GPHN: variants seen among roughly 807,000 people sequenced by gnomAD.
GPHN encodes gephyrin.
GPHN carries 17 observed loss-of-function variants against 95.5 expected under a neutral mutation model. The ratio of observed to expected loss-of-function variants is 0.18; its 90% CI spans 0.12 to 0.27. The LOEUF is 0.27. GPHN is among the 10% of genes least tolerant of loss of function. The pLI is 1.00. For synonymous variants in GPHN, 320 were observed against 322.5 expected, an observed-to-expected ratio of 0.99 and a Z score of 0.08; for missense variants, 660 against 978.1, an observed-to-expected ratio of 0.67 and a Z score of 4.34.
chr14:67,575,464 G>A, the GPHN span: 2 of 1,599,580 alleles, frequency 1.3e-6, no homozygotes, highest in Admixed American at 1.7e-5. Context: ...TCGGAGCCAT[G>A]AGGACAAGGT....
the GPHN span, chr14:67,352,847 CAACA>C: frequency 7.3e-6 from 6 of 822,676 alleles, no homozygotes; most frequent in African/African-American, 5.1e-5. Context: ...AAAATAACAA[CAACA>C]AAAAAAAAAA....
rs1491347775 is a variant in GPHN at position 66,539,410 on chromosome 14, T to TTTC, written c.64+30821_64+30822insCTT. Among the ~76,000 whole-genome samples, 11 of 70,582 alleles carry TTTC rather than the reference T, an allele frequency of 1.6e-4. No individual in the cohort carries two copies. In the East Asian group the frequency reaches 6.5e-3, roughly 42 times the overall value. 46.3% of individuals were successfully genotyped at this position (70,582 alleles called of 152,430 possible). On this transcript the variant is annotated intron_variant, in intron 1 of 22. Transcript: ENST00000478722. ...AAAAGCTCAGCTGCTTTCTACTTTC[T>TTTC]TTTTTTTTTTTTTTTTTTTTTGAGA...
chr14:67,028,378 T>C (rs550466742), intron 10 of GPHN, among the ~76,000 whole-genome samples: 72 of 152,328 alleles, frequency 4.7e-4, no homozygotes, highest in African/African-American at 1.7e-3. Context: ...TTTGGATATA[T>C]ACCAATATAG....
the GPHN span, chr14:67,301,503 C>G: frequency 1.4e-6 from 2 of 1,446,968 alleles, no homozygotes; most frequent in Non-Finnish European, 1.9e-6. Flanking sequence ...TGTGGTTTTT[C>G]CAGCATTCTT....
At chr14:66,893,549 A>G (rs141905467) in intron 5 of GPHN, among the ~76,000 whole-genome samples, 31 of 152,350 alleles carry the variant, frequency 2.0e-4, no homozygotes, top group Admixed American at 4.6e-4. Context: ...AGGGTATTCA[A>G]TTAGGAAAAG....
At chr14:67,533,014 C>T in the GPHN span, among the ~76,000 whole-genome samples, 3 of 152,146 alleles carry the variant, frequency 2.0e-5, no homozygotes, top group Non-Finnish European at 4.4e-5. Context: ...CCCTGCCGCC[C>T]CAGGGACGAG....
the GPHN span, chr14:67,541,929 T>C: frequency 6.2e-7 from 1 of 1,606,576 alleles, no homozygotes; most frequent in South Asian, 1.1e-5. Context: ...TGCCTGACCC[T>C]GGAAACTCAG....
At chr14:66,520,407 T>C (rs1290327818) in intron 1 of GPHN, among the ~76,000 whole-genome samples, 1 of 152,208 alleles carries the variant, frequency 6.6e-6, no homozygotes, top group Non-Finnish European at 1.5e-5. Context: ...TAGGATTCTT[T>C]ATTGCAAATG....
intron 1 of GPHN, among the ~76,000 whole-genome samples, chr14:66,588,594 A>T (rs891131034): frequency 3.3e-5 from 5 of 152,130 alleles, no homozygotes; most frequent in African/African-American, 1.2e-4. Flanking sequence ...AAGCATACAC[A>T]AGTATCAATA....
chr14:67,341,014 C>T, the GPHN span, among the ~76,000 whole-genome samples: 5 of 152,168 alleles, frequency 3.3e-5, no homozygotes, highest in Non-Finnish European at 5.9e-5. Flanking sequence ...GGCGTGATCT[C>T]GGCTCGCTAC....
chr14:66,954,035 C>CA lies in GPHN; in HGVS notation c.829-11139dup, dbSNP rs34877524. Among the ~76,000 whole-genome samples the CA allele has an allele frequency of 1.2e-4, 15 of 128,880 alleles. No homozygotes were observed. The East Asian group carries it at 1.3e-3, about 12-fold the overall frequency. 84.6% of individuals were successfully genotyped at this position (128,880 alleles called of 152,430 possible). Reference sequence around the variant, plus strand: ...GGGCAACAAGAGCAAAACTCGGTCTCAAAAAAAAAAAAAAAAAGGAAGAAA... The same window carrying CA: ...GGGCAACAAGAGCAAAACTCGGTCTCAAAAAAAAAAAAAAAAAAGGAAGAAA... On this transcript the variant is annotated intron_variant, in intron 8 of 22. Transcript: ENST00000478722.
the GPHN span, among the ~76,000 whole-genome samples, chr14:67,212,623 TATTATATATA>T: frequency 2.1e-5 from 3 of 145,100 alleles, no homozygotes; most frequent in Non-Finnish European, 4.5e-5. Flanking sequence ...ATGTAATATA[TATTATATATA>T]ATATATATTA....
At chr14:66,581,792 G>T (rs1595070971) in intron 1 of GPHN, among the ~76,000 whole-genome samples, 1 of 151,958 alleles carries the variant, frequency 6.6e-6, no homozygotes, top group East Asian at 1.9e-4. Flanking sequence ...TATAAAAAGA[G>T]ACACAGAAAA....
At chr14:67,427,354 C>T in the GPHN span, among the ~76,000 whole-genome samples, 1 of 152,168 alleles carries the variant, frequency 6.6e-6, no homozygotes. Context: ...CAGGGAAGGG[C>T]CCTTGGTCTA....
At chr14:67,055,076 A>G (rs1343407754) in intron 10 of GPHN, among the ~76,000 whole-genome samples, 1 of 152,260 alleles carries the variant, frequency 6.6e-6, no homozygotes, top group Non-Finnish European at 1.5e-5. Flanking sequence ...CAATTGCAAC[A>G]AAAGCAAAAA....
At chr14:66,995,001 A>C (rs746887743) in intron 9 of GPHN, among the ~76,000 whole-genome samples, 3 of 152,218 alleles carry the variant, frequency 2.0e-5, no homozygotes, top group Non-Finnish European at 4.4e-5. Flanking sequence ...CTGGAAATAC[A>C]GTTAAAGAAC....
At chr14:67,138,887 CT>C (rs34446302) in intron 17 of GPHN, among the ~76,000 whole-genome samples, 7,039 of 94,632 alleles carry the variant, frequency 0.074, 591 homozygotes, top group African/African-American at 0.25. Flanking sequence ...GCATCCTCTC[CT>C]TTTTTTTTTT....
chr14:66,812,051 T>G lies in GPHN; in HGVS notation c.202-12423T>G, dbSNP rs189370506. Among the ~76,000 whole-genome samples, 3 of 152,330 alleles carry G rather than the reference T, an allele frequency of 2.0e-5. No homozygotes were observed. The East Asian group carries it at 5.8e-4, about 29-fold the overall frequency. ...TAACTGGCAGCTAAAACCTGCTGGC[T>G]TCTTGGCTACAAGAATGGTTTGGGA... is the stretch of plus-strand genomic sequence containing the variant. On this transcript the variant is annotated intron_variant, in intron 3 of 22. Transcript: ENST00000478722.
At chr14:66,814,486 G>C (rs765150523) in intron 3 of GPHN, among the ~76,000 whole-genome samples, 3 of 152,184 alleles carry the variant, frequency 2.0e-5, no homozygotes, top group Non-Finnish European at 2.9e-5. Flanking sequence ...GGTCAAACTG[G>C]GGCCCAATGC....
Sources: gnomAD v4.1 joint callset for allele counts (sites outside exome capture counted in the v4.1 genomes callset) on GRCh38, gnomAD v4.1.1 for gene constraint, MANE v1.5 for transcripts, NCBI Gene and HGNC (gene_info 2026-07-23, HGNC 2026-07-21) for gene names.